The following GRIP1 variants were observed in gnomAD, a reference collection of about 807,000 sequenced individuals.
GRIP1 encodes the protein glutamate receptor interacting protein 1.
A neutral mutation model predicts 129.9 loss-of-function variants in GRIP1; 45 were observed. That is an observed-to-expected ratio of 0.35 (90% CI 0.27 to 0.44). The LOEUF is 0.44. Ranked by LOEUF, GRIP1 falls within the 20% of genes least tolerant of loss-of-function variation. The probability of loss-of-function intolerance (pLI) is 1.00; values close to 1 mark genes in which losing one functional copy is unlikely to be tolerated. For missense variants in GRIP1, 1,196 were observed against 1,396.8 expected (o/e 0.86, Z 2.29); for synonymous variants, 530 against 520.8 (o/e 1.02, Z -0.24).
intron 7 of GRIP1, among the ~76,000 whole-genome samples, chr12:66,492,583 C>T (rs553490728): frequency 7.9e-5 from 12 of 152,090 alleles, no homozygotes; most frequent in African/African-American, 1.2e-4. Flanking sequence ...TTCAGTGAGT[C>T]CCCAATAAAT....
At chr12:67,001,292 T>C (rs538845847) in intron 1 of GRIP1, among the ~76,000 whole-genome samples, 3 of 152,274 alleles carry the variant, frequency 2.0e-5, no homozygotes, top group South Asian at 4.1e-4. Context: ...TGAGAGCTTG[T>C]GGGCTATCTA....
intron 1 of GRIP1, among the ~76,000 whole-genome samples, chr12:67,051,742 G>A (rs184068841): frequency 2.2e-3 from 336 of 152,358 alleles, no homozygotes; most frequent in Non-Finnish European, 4.1e-3. Context: ...CAGATCCCAG[G>A]TTAGGTTTGC....
intron 1 of GRIP1, among the ~76,000 whole-genome samples, chr12:66,912,487 A>G (rs1036554268): frequency 3.9e-5 from 6 of 152,166 alleles, no homozygotes; most frequent in Non-Finnish European, 8.8e-5. Context: ...AAAAGAAAAA[A>G]CATGAAAAAA....
In GRIP1 at chr12:66,764,395, T is replaced by C. The variant is rs545503725; in HGVS notation, c.-420+39658A>G. The stretch of plus-strand genomic sequence containing the variant: ...AAGTGCAACCTCAAGGCAACTGAAC[T>C]GCTAGAAAACTGCTTTTTCATTTAT... On this transcript the variant is annotated intron_variant, in intron 1 of 4. Transcript: ENST00000538373. 1.1e-4 allele frequency among the ~76,000 whole-genome samples: 16 copies of C among 152,352 alleles called. 1 individual carries two copies. The highest frequency in any genetic ancestry group is 2.0e-4 in the Admixed American group (3 of 15,298).
chr12:66,480,251 A>AT (rs1442349432), intron 7 of GRIP1, among the ~76,000 whole-genome samples: 8 of 152,226 alleles, frequency 5.3e-5, no homozygotes, highest in East Asian at 1.9e-4. Flanking sequence ...GTGCAAAAAT[A>AT]ACAAGCATTC....
In GRIP1 at chr12:66,349,391, G is replaced by A. The variant is rs527877790; in HGVS notation, c.3160-145C>T. 34 of 713,798 alleles carry A rather than the reference G, an allele frequency of 4.8e-5. No homozygotes were observed. The African/African-American group carries it at 5.1e-4, about 11-fold the overall frequency. 44.2% of individuals were successfully genotyped at this position (713,798 alleles called of 1,614,324 possible). A position where few individuals can be genotyped will look rare whatever the true frequency, so the allele number is the denominator to read the frequency against. The stretch of plus-strand genomic sequence containing the variant: ...TGAGGTCTATCCTTGTGACTATGCT[G>A]TGACATGGCTACTGGCTCAATTGCC... On this transcript the variant is annotated intron_variant, in intron 24 of 24. Coordinates refer to ENST00000359742, the MANE Select transcript of GRIP1 (RefSeq NM_001366722.1).
intron 1 of GRIP1, among the ~76,000 whole-genome samples, chr12:66,917,792 C>A (rs962459476): frequency 6.6e-6 from 1 of 152,082 alleles, no homozygotes; most frequent in African/African-American, 2.4e-5. Flanking sequence ...TTAAACTGGA[C>A]AAATTAAGTC....
chr12:66,602,072 GT>G (rs1470554092), intron 1 of GRIP1, among the ~76,000 whole-genome samples: 2 of 152,116 alleles, frequency 1.3e-5, no homozygotes, highest in Non-Finnish European at 2.9e-5. Context: ...TTTATCTATG[GT>G]TTTTTAATCA....
chr12:66,531,342 TAC>T (rs113986138), intron 4 of GRIP1, among the ~76,000 whole-genome samples: 6 of 121,306 alleles, frequency 4.9e-5, no homozygotes, highest in African/African-American at 1.2e-4. Flanking sequence ...TACATATATA[TAC>T]ACACACAGGC....
chr12:66,915,452 G>C (rs1481048060), intron 1 of GRIP1, among the ~76,000 whole-genome samples: 2 of 152,188 alleles, frequency 1.3e-5, no homozygotes, highest in East Asian at 3.9e-4. Context: ...GCTAGCTTTA[G>C]AAAAGAAGAG....
At chr12:67,036,649 C>G (rs2043100630) in intron 1 of GRIP1, among the ~76,000 whole-genome samples, 1 of 152,096 alleles carries the variant, frequency 6.6e-6, no homozygotes, top group Non-Finnish European at 1.5e-5. Flanking sequence ...GATGTCAACA[C>G]TTTTGTACCT....
In GRIP1 at chr12:66,455,395, G is replaced by A. The variant is rs1405953736; in HGVS notation, c.1354+14C>T. The A allele has an allele frequency of 2.5e-6, 4 of 1,613,222 alleles. No individual in the cohort carries two copies. Among genetic ancestry groups the A allele is most frequent in the African/African-American group, 1.3e-5 (1 of 75,018 alleles). On this transcript the variant is annotated intron_variant, in intron 11 of 24. Transcript: ENST00000359742. ...TTTTCCAGGCCAAATGCCATTGGCT[G>A]TCATTTCACTTACATGAGCTTTTGA... is the stretch of plus-strand genomic sequence containing the variant.
intron 11 of GRIP1, among the ~76,000 whole-genome samples, chr12:66,451,367 T>C (rs2058790356): frequency 7.0e-6 from 1 of 142,192 alleles, no homozygotes; most frequent in Admixed American, 7.2e-5. Context: ...ACCCCAAAGA[T>C]TTATTATTAT....
rs7966777 is a variant in GRIP1, at chr12:67,034,043, C to T, written c.58+35007G>A. Among the ~76,000 whole-genome samples the T allele has an allele frequency of 8.8e-3, 1,347 of 152,250 alleles. 24 individuals carry two copies. The highest frequency in any genetic ancestry group is 0.03 in the African/African-American group (1,243 of 41,550). Reference sequence around the variant, plus strand: ...AGGCTGTAAAGAAATGATTGTAAGACCCCTCTCAGTAACACATTCCAATAA... The same window carrying T: ...AGGCTGTAAAGAAATGATTGTAAGATCCCTCTCAGTAACACATTCCAATAA... On this transcript the variant is annotated intron_variant, in intron 1 of 1. Transcript: ENST00000643019.
chr12:66,888,474 C>T (rs1362748363), intron 1 of GRIP1, among the ~76,000 whole-genome samples: 1 of 152,198 alleles, frequency 6.6e-6, no homozygotes, highest in East Asian at 1.9e-4. Context: ...ATTCTTGTGC[C>T]TCAGGCTCCC....
intron 1 of GRIP1, among the ~76,000 whole-genome samples, chr12:66,664,981 T>C (rs1592718483): frequency 6.6e-6 from 1 of 152,272 alleles, no homozygotes; most frequent in Non-Finnish European, 1.5e-5. Flanking sequence ...AATACCAGAA[T>C]AAATGTTGCA....
intron 1 of GRIP1, among the ~76,000 whole-genome samples, chr12:66,648,818 T>C (rs1323403658): frequency 6.6e-6 from 1 of 152,232 alleles, no homozygotes; most frequent in Non-Finnish European, 1.5e-5. Context: ...TTAAAGACGT[T>C]TTCTATATCC....
intron 1 of GRIP1, among the ~76,000 whole-genome samples, chr12:66,945,392 G>C (rs1252724387): frequency 6.6e-6 from 1 of 152,168 alleles, no homozygotes; most frequent in Non-Finnish European, 1.5e-5. Context: ...AATTATCTGA[G>C]GCTGAGTAAT....
chr12:66,896,023 A>C (rs2040741279), intron 1 of GRIP1, among the ~76,000 whole-genome samples: 1 of 152,204 alleles, frequency 6.6e-6, no homozygotes, highest in South Asian at 2.1e-4. Context: ...GATATTAACA[A>C]ATTTTTAGAC....
Sources: gnomAD v4.1 joint callset for allele counts (sites outside exome capture counted in the v4.1 genomes callset) on GRCh38, gnomAD v4.1.1 for gene constraint, MANE v1.5 for transcripts, NCBI Gene and HGNC (gene_info 2026-07-23, HGNC 2026-07-21) for gene names.